The following TALDO1 variants were observed in gnomAD, a reference collection of about 807,000 sequenced individuals.
TALDO1 encodes transaldolase.
Under a neutral mutation model 38.1 loss-of-function variants are expected in TALDO1, and 29 were observed. The ratio of observed to expected loss-of-function variants is 0.76; its 90% CI spans 0.57 to 1.04. TALDO1 has a LOEUF of 1.04. TALDO1 is among the 50% of genes least tolerant of loss of function. The pLI, the probability that TALDO1 is intolerant of heterozygous loss-of-function variation, is 0.00. For synonymous variants in TALDO1, 207 were observed against 176.8 expected (o/e 1.17, Z -1.36); for missense variants, 499 against 438.1 (o/e 1.14, Z -1.24).
Position 764,034 on chromosome 11 carries a change from TG to T in TALDO1, c.835+94del, listed in dbSNP as rs1863006586. 2.0e-6 allele frequency: 3 copies of T among 1,494,036 alleles called. No homozygotes were observed. In the Admixed American group the frequency reaches 5.7e-5, roughly 29 times the overall value. The allele number at this position is 1,494,036 out of a possible 1,614,324, so 92.5% of individuals were successfully genotyped here. ...CCCTGTGGGTGATCCCTCCCACCTG[TG>T]GGGCGAGCTCATCTTGGGAGACATG... is the stretch of plus-strand genomic sequence containing the variant. On this transcript the variant is annotated intron_variant, in intron 6 of 7. Coordinates refer to ENST00000319006, the MANE Select transcript of TALDO1 (RefSeq NM_006755.2).
intron 4 of TALDO1, among the ~76,000 whole-genome samples, chr11:761,797 C>T (rs1309336680): frequency 6.6e-6 from 1 of 152,096 alleles, no homozygotes; most frequent in African/African-American, 2.4e-5. Flanking sequence ...CCACCTCAGT[C>T]CCCCAAGTGG....
At chr11:760,094 A>G (rs1862903885) in intron 3 of TALDO1, 28 bp from the exon 4 acceptor site, 1 of 1,612,900 alleles carries the variant, frequency 6.2e-7, no homozygotes, top group Non-Finnish European at 8.5e-7. Flanking sequence ...GCGTGATCTG[A>G]GGGGATGGGT....
At chr11:757,789 G>A (rs1862863152) in intron 2 of TALDO1, among the ~76,000 whole-genome samples, 1 of 152,214 alleles carries the variant, frequency 6.6e-6, no homozygotes, top group Admixed American at 6.6e-5. Context: ...GATGAAAAGA[G>A]CTCTGGAGAT....
At position 747,470 on chromosome 11, in the gene TALDO1, C is replaced by T. The variant is rs370926347; in HGVS notation, c.-12C>T. The T allele has an allele frequency of 3.5e-5, 55 of 1,576,132 alleles. No homozygotes were observed. The African/African-American group carries it at 6.3e-4, about 18-fold the overall frequency. On this transcript the variant is annotated 5_prime_UTR_variant, in exon 1 of 8. Coordinates refer to ENST00000319006, the MANE Select transcript of TALDO1 (RefSeq NM_006755.2). ...TCGCCGCCGCCGCCGCCGCAGACCCCTCGGTCTTGCTATGTCGAGCTCACC... is the reference window on the plus strand; with the variant it reads ...TCGCCGCCGCCGCCGCCGCAGACCCTTCGGTCTTGCTATGTCGAGCTCACC...
At chr11:761,436 G>A (rs1862922665) in intron 4 of TALDO1, among the ~76,000 whole-genome samples, 1 of 152,078 alleles carries the variant, frequency 6.6e-6, no homozygotes, top group East Asian at 1.9e-4. Context: ...GGGAAGTTGA[G>A]GTTCCAGTAG....
intron 1 of TALDO1, among the ~76,000 whole-genome samples, chr11:753,879 C>T (rs1862790185): frequency 6.6e-6 from 1 of 151,634 alleles, no homozygotes; most frequent in Non-Finnish European, 1.5e-5. Flanking sequence ...TGCACTCCAG[C>T]CTGGATGACA....
Position 763,398 on chromosome 11 carries a change from C to T in TALDO1, c.516C>T (p.Phe172=), listed in dbSNP as rs1172329286. 3.1e-6 allele frequency: 5 copies of T among 1,613,006 alleles called. No homozygotes were observed. The highest frequency in any genetic ancestry group is 2.2e-5 in the East Asian group (1 of 44,822). Residue 172 remains phenylalanine, a synonymous_variant, in exon 5 of 8, where the codon TTC becomes TTT. Coordinates refer to ENST00000319006, the MANE Select transcript of TALDO1 (RefSeq NM_006755.2). ...IHCNMTLLFS[F]AQAVACAEAG... is the part of the protein sequence containing the mutation. ...GCAACATGACGTTACTCTTCTCCTT[C>T]GCCCAGGCTGTGGCCTGTGCCGAGG...
chr11:764,957 TA>T lies in TALDO1; in HGVS notation c.*113del, dbSNP rs2133584479. 6.8e-7 allele frequency: 1 copy of T among 1,462,018 alleles called. No homozygotes were observed. The highest frequency in any genetic ancestry group is 2.3e-5 in the East Asian group (1 of 43,942). 90.6% of individuals were successfully genotyped at this position (1,462,018 alleles called of 1,614,324 possible). On this transcript the variant is annotated 3_prime_UTR_variant, in exon 8 of 8. Transcript: ENST00000319006. ...TACAAATTGGAGCAGGGACAGATCA[TA>T]GATTTCTGATTTTATGTAAAATTTT... is the stretch of plus-strand genomic sequence containing the variant.
Position 763,781 on chromosome 11 carries a change from CAAG to C in TALDO1, c.676_678del (p.Lys226del), listed in dbSNP as rs764469620. 1.4e-5 allele frequency: 23 copies of C among 1,613,954 alleles called. No homozygotes were observed. The highest frequency in any genetic ancestry group is 1.7e-5 in the Admixed American group (1 of 60,006). On this transcript the variant is annotated inframe_deletion, in exon 6 of 8. Coordinates refer to ENST00000319006, the MANE Select transcript of TALDO1 (RefSeq NM_006755.2). ...GTGTCACTAAAATCTACAACTACTA[CAAG>C]AAGTTTAGCTACAAAACCATTGTCA...
Sources: allele counts gnomAD v4.1 joint callset (sites outside exome capture counted in the v4.1 genomes callset), GRCh38; gene constraint gnomAD v4.1.1; transcripts MANE v1.5; gene names NCBI Gene and HGNC (gene_info 2026-07-23, HGNC 2026-07-21).